Variants in CADPS observed in about 807,000 individuals in gnomAD.
The protein encoded by CADPS is calcium dependent secretion activator.
Under a neutral mutation model 167.3 loss-of-function variants are expected in CADPS, and 57 were observed. That is an observed-to-expected ratio of 0.34 (90% CI 0.28 to 0.42). CADPS has a LOEUF of 0.42. CADPS is among the 20% of genes least tolerant of loss of function. The probability of loss-of-function intolerance (pLI) is 1.00; values close to 1 mark genes in which losing one functional copy is unlikely to be tolerated. For synonymous variants in CADPS, 676 were observed against 635.3 expected, an observed-to-expected ratio of 1.06 and a Z score of -0.96; for missense variants, 1,414 against 1,738.1, an observed-to-expected ratio of 0.81 and a Z score of 3.32.
intron 8 of CADPS, among the ~76,000 whole-genome samples, chr3:62,578,099 C>T (rs1249964042): frequency 6.6e-6 from 1 of 151,336 alleles, no homozygotes; most frequent in Non-Finnish European, 1.5e-5. Context: ...AGACCTCACT[C>T]TATGCTGCCT....
chr3:62,650,395 TTAC>T (rs761096727), intron 5 of CADPS, among the ~76,000 whole-genome samples: 4 of 152,304 alleles, frequency 2.6e-5, no homozygotes, highest in Admixed American at 6.5e-5. Flanking sequence ...GAATGGGTAC[TTAC>T]TTTGGGAGCT....
rs143513604 is a variant in CADPS, at chr3:62,487,751, T to C, written c.3026+3588A>G. Among the ~76,000 whole-genome samples, 577 of 152,350 alleles carry C rather than the reference T, an allele frequency of 3.8e-3. 4 individuals are homozygous for C. Among genetic ancestry groups the C allele is most frequent in the African/African-American group, 0.013 (544 of 41,578 alleles). ...TTGTTGTTGTTGTTTTTGTTGTTCA[T>C]CTTAAATAACCTTAATTGTATCAAG... On this transcript the variant is annotated intron_variant, in intron 21 of 29. Transcript: ENST00000383710.
At chr3:62,653,839 G>T (rs746541807) in intron 4 of CADPS, among the ~76,000 whole-genome samples, 12 of 152,068 alleles carry the variant, frequency 7.9e-5, no homozygotes, top group African/African-American at 2.9e-4. Flanking sequence ...ACTCCGCAAC[G>T]TCACAGTACC....
chr3:62,784,630 T>C (rs938458931), intron 1 of CADPS, among the ~76,000 whole-genome samples: 1 of 152,092 alleles, frequency 6.6e-6, no homozygotes, highest in Non-Finnish European at 1.5e-5. Flanking sequence ...CTGGATCCTA[T>C]TACCAATTTA....
intron 1 of CADPS, among the ~76,000 whole-genome samples, chr3:62,846,134 T>C (rs930721344): frequency 2.0e-5 from 3 of 151,990 alleles, no homozygotes; most frequent in South Asian, 4.2e-4. Flanking sequence ...TCTACCATGA[T>C]TGTAAGTTTC....
At chr3:62,847,427 CCT>C (rs66837340) in intron 1 of CADPS, among the ~76,000 whole-genome samples, 24,530 of 69,118 alleles carry the variant, frequency 0.35, 4,869 homozygotes, top group East Asian at 0.45. Context: ...ATCCCTCCCC[CCT>C]CCCCCCACCC....
intron 27 of CADPS, among the ~76,000 whole-genome samples, chr3:62,443,172 T>A (rs1009943903): frequency 2.0e-5 from 3 of 152,208 alleles, no homozygotes; most frequent in African/African-American, 4.8e-5. Flanking sequence ...TGTAAGGGCA[T>A]TGGCTTAAAT....
chr3:62,544,243 AG>A lies in CADPS; in HGVS notation c.1966+5659del, dbSNP rs2076131508. Among the ~76,000 whole-genome samples, 2 of 152,154 alleles carry A rather than the reference AG, an allele frequency of 1.3e-5. No homozygotes were observed. Among genetic ancestry groups the A allele is most frequent in the Admixed American group, 6.6e-5 (1 of 15,260 alleles). On this transcript the variant is annotated intron_variant, in intron 11 of 29. Coordinates refer to ENST00000383710, the MANE Select transcript of CADPS (RefSeq NM_003716.4). The surrounding 1 kb of genome is among the most constrained non-coding windows in gnomAD (Gnocchi z 4.4). Reference sequence around the variant, plus strand: ...TTACATTAGAGCACACCCTTAAGCCAGCTAGAATGAACTCTTTAGTGTTCAA... The same window carrying A: ...TTACATTAGAGCACACCCTTAAGCCACTAGAATGAACTCTTTAGTGTTCAA...
intron 3 of CADPS, among the ~76,000 whole-genome samples, chr3:62,664,352 A>G (rs923538877): frequency 6.6e-6 from 1 of 152,180 alleles, no homozygotes; most frequent in African/African-American, 2.4e-5. Context: ...TATTTTTTGC[A>G]TAATACTCAT....
intron 8 of CADPS, among the ~76,000 whole-genome samples, chr3:62,575,494 G>A (rs2082082821): frequency 6.6e-6 from 1 of 152,184 alleles, no homozygotes; most frequent in African/African-American, 2.4e-5. Context: ...GAGGATTAAA[G>A]TAGAAATATA....
At chr3:62,547,669 T>C (rs971039086) in intron 11 of CADPS, among the ~76,000 whole-genome samples, 1 of 141,094 alleles carries the variant, frequency 7.1e-6, no homozygotes, top group Non-Finnish European at 1.5e-5. Flanking sequence ...TCAACTAGAG[T>C]AGTGATACAC....
chr3:62,558,653 A>G (rs538424599), intron 9 of CADPS, among the ~76,000 whole-genome samples: 1 of 152,298 alleles, frequency 6.6e-6, no homozygotes, highest in Non-Finnish European at 1.5e-5. Context: ...TGCTACATGC[A>G]TCTCCCGCAC....
intron 26 of CADPS, among the ~76,000 whole-genome samples, chr3:62,448,806 G>A (rs1171186068): frequency 6.6e-6 from 1 of 152,064 alleles, no homozygotes; most frequent in African/African-American, 2.4e-5. Context: ...TAGAGATGGG[G>A]TTTCACCATG....
At chr3:62,717,906 C>T (rs1352687044) in intron 3 of CADPS, among the ~76,000 whole-genome samples, 1 of 152,164 alleles carries the variant, frequency 6.6e-6, no homozygotes, top group Non-Finnish European at 1.5e-5. Flanking sequence ...CGCATGTGTT[C>T]CCACAACACA....
chr3:62,745,845 G>A (rs950117986), intron 3 of CADPS, among the ~76,000 whole-genome samples: 1 of 152,180 alleles, frequency 6.6e-6, no homozygotes, highest in Non-Finnish European at 1.5e-5. Context: ...GCTAAGTGTT[G>A]GCTGTATAGT....
At chr3:62,580,239 T>C (rs938264161) in intron 8 of CADPS, among the ~76,000 whole-genome samples, 20 of 152,284 alleles carry the variant, frequency 1.3e-4, no homozygotes, top group African/African-American at 4.1e-4. Context: ...ATATACACCA[T>C]GGAATACTAT....
chr3:62,543,878 T>C (rs1180793203), intron 11 of CADPS, among the ~76,000 whole-genome samples: 1 of 152,200 alleles, frequency 6.6e-6, no homozygotes, highest in African/African-American at 2.4e-5. Flanking sequence ...TGTTCTTTTT[T>C]ATTAATAACT....
intron 11 of CADPS, among the ~76,000 whole-genome samples, chr3:62,543,127 C>T (rs1577471349): frequency 6.6e-6 from 1 of 152,002 alleles, no homozygotes; most frequent in East Asian, 1.9e-4. Flanking sequence ...AAATTTTAGA[C>T]CTGATTGTGG....
At chr3:62,525,372 C>T (rs780676326) in intron 13 of CADPS, among the ~76,000 whole-genome samples, 3 of 152,084 alleles carry the variant, frequency 2.0e-5, no homozygotes, top group Non-Finnish European at 4.4e-5. Flanking sequence ...CCAAGTACTT[C>T]CTATTAAGTA....
Sources: gnomAD v4.1 joint callset for allele counts (sites outside exome capture counted in the v4.1 genomes callset) on GRCh38, gnomAD v4.1.1 for gene constraint, Gnocchi (gnomAD v3.1) non-coding constraint, MANE v1.5 for transcripts, NCBI Gene and HGNC (gene_info 2026-07-23, HGNC 2026-07-21) for gene names.